The following BLTP1 variants were observed in gnomAD, a reference collection of about 807,000 sequenced individuals.
The protein encoded by BLTP1 is fragile site-associated protein.
At chr4:122,224,389 G>T in the BLTP1 span, 1 of 1,162,474 alleles carries the variant, frequency 8.6e-7, no homozygotes, top group South Asian at 1.6e-5. Flanking sequence ...AAACCTTATA[G>T]ATGGCATGAG....
the BLTP1 span, among the ~76,000 whole-genome samples, chr4:122,346,228 T>C: frequency 6.6e-6 from 1 of 152,292 alleles, no homozygotes; most frequent in South Asian, 2.1e-4. Context: ...ATTAGTCTGA[T>C]AGGAAAATAG....
the BLTP1 span, chr4:122,324,679 A>G: frequency 3.4e-6 from 2 of 586,956 alleles, no homozygotes; most frequent in Non-Finnish European, 5.6e-6. Context: ...AGTGGATACT[A>G]TCAAACTCAG....
At chr4:122,299,152 A>G in the BLTP1 span, 1 of 984,902 alleles carries the variant, frequency 1.0e-6, no homozygotes, top group South Asian at 4.7e-5. Context: ...TTTGGCAAAC[A>G]TCATGTAGGA....
chr4:122,200,047 C>G, the BLTP1 span: 1 of 972,954 alleles, frequency 1.0e-6, no homozygotes, highest in Non-Finnish European at 1.2e-6. Flanking sequence ...GGTTAATATT[C>G]AGAGATTCTT....
the BLTP1 span, chr4:122,288,713 C>T: frequency 1.6e-4 from 76 of 486,322 alleles, no homozygotes; most frequent in African/African-American, 1.4e-3. Flanking sequence ...TTACTTAACT[C>T]GTCTATGATT....
At chr4:122,270,769 T>C in the BLTP1 span, among the ~76,000 whole-genome samples, 1 of 152,102 alleles carries the variant, frequency 6.6e-6, no homozygotes, top group Non-Finnish European at 1.5e-5. Context: ...AATCATTTCT[T>C]AACATAAGAA....
chr4:122,185,279 A>C, the BLTP1 span: 2 of 981,280 alleles, frequency 2.0e-6, no homozygotes, highest in Non-Finnish European at 2.4e-6. Flanking sequence ...AAATGTTTGA[A>C]TTTGTTCAAT....
At chr4:122,321,942 T>C in the BLTP1 span, among the ~76,000 whole-genome samples, 2 of 149,312 alleles carry the variant, frequency 1.3e-5, no homozygotes, top group Non-Finnish European at 1.5e-5. Context: ...TATCTTTTTT[T>C]TTTTTTTGTA....
At chr4:122,287,813 A>G in the BLTP1 span, 5 of 553,716 alleles carry the variant, frequency 9.0e-6, no homozygotes, top group Non-Finnish European at 1.1e-5. Flanking sequence ...TAACAAGTCA[A>G]AGATTTAACT....
the BLTP1 span, chr4:122,313,913 G>A: frequency 1.3e-4 from 41 of 311,488 alleles, no homozygotes; most frequent in East Asian, 6.8e-3. Flanking sequence ...AGATGTTTTA[G>A]AAAAGATTAA....
chr4:122,326,238 TC>T, the BLTP1 span, among the ~76,000 whole-genome samples: 3 of 151,816 alleles, frequency 2.0e-5, no homozygotes, highest in African/African-American at 7.2e-5. Flanking sequence ...ATGAATTTTT[TC>T]ATAAACAAAG....
chr4:122,229,029 G>C, the BLTP1 span: 2 of 1,091,610 alleles, frequency 1.8e-6, no homozygotes, highest in East Asian at 2.8e-5. Flanking sequence ...TCAATAACTA[G>C]ATTTTTTGTG....
chr4:122,316,351 T>C, the BLTP1 span: 4 of 471,608 alleles, frequency 8.5e-6, no homozygotes, highest in Non-Finnish European at 1.8e-5. Flanking sequence ...TACTTAGAGT[T>C]CAGATGGAAG....
chr4:122,166,178 G>A, the BLTP1 span, among the ~76,000 whole-genome samples: 1 of 152,076 alleles, frequency 6.6e-6, no homozygotes, highest in East Asian at 1.9e-4. Context: ...TATTGCCTAG[G>A]TTTTCTTCTA....
chr4:122,166,505 C>A, the BLTP1 span, among the ~76,000 whole-genome samples: 1 of 152,022 alleles, frequency 6.6e-6, no homozygotes, highest in African/African-American at 2.4e-5. Flanking sequence ...AGTCAGGTAC[C>A]GTGATGCCTC....
the BLTP1 span, chr4:122,293,024 ACTT>A: frequency 1.1e-6 from 1 of 910,376 alleles, no homozygotes. Flanking sequence ...CCTTAATAAC[ACTT>A]CTTAAGTCAT....
At chr4:122,254,927 T>C in the BLTP1 span, 2 of 1,612,402 alleles carry the variant, frequency 1.2e-6, no homozygotes, top group African/African-American at 2.7e-5. Flanking sequence ...TGTGCTGTTA[T>C]GGGATGCATA....
chr4:122,290,880 A>T, the BLTP1 span: 8,514 of 165,890 alleles, frequency 0.051, 321 homozygotes, highest in Non-Finnish European at 0.076. Context: ...AACATACTAT[A>T]TAATATATAT....
the BLTP1 span, chr4:122,247,584 C>T: frequency 6.9e-6 from 8 of 1,153,404 alleles, no homozygotes; most frequent in Middle Eastern, 3.2e-4. Flanking sequence ...TGGTATGGCC[C>T]CAAATTAGGA....
Sources: allele counts gnomAD v4.1 joint callset (sites outside exome capture counted in the v4.1 genomes callset), GRCh38; gene constraint gnomAD v4.1.1; transcripts MANE v1.5; gene names NCBI Gene and HGNC (gene_info 2026-07-23, HGNC 2026-07-21).